The following CACNA2D3 variants were observed in gnomAD, a reference collection of about 807,000 sequenced individuals.
CACNA2D3 encodes the protein voltage-dependent calcium channel subunit alpha-2/delta-3.
Under a neutral mutation model 160.6 loss-of-function variants are expected in CACNA2D3, and 60 were observed. That is an observed-to-expected ratio of 0.37 (90% CI 0.30 to 0.46). CACNA2D3 has a LOEUF of 0.46. CACNA2D3 is among the 20% of genes least tolerant of loss of function. The pLI, the probability that CACNA2D3 is intolerant of heterozygous loss-of-function variation, is 1.00. For synonymous variants in CACNA2D3, 558 were observed against 492.9 expected (o/e 1.13, Z -1.75); for missense variants, 1,205 against 1,365.0 (o/e 0.88, Z 1.85).
At chr3:54,744,188 A>G (rs1701705756) in intron 11 of CACNA2D3, among the ~76,000 whole-genome samples, 1 of 152,150 alleles carries the variant, frequency 6.6e-6, no homozygotes, top group South Asian at 2.1e-4. Flanking sequence ...TCTGCACAAA[A>G]CTGTCGCAGA....
At chr3:54,218,023 G>C (rs1701494996) in intron 2 of CACNA2D3, among the ~76,000 whole-genome samples, 1 of 152,040 alleles carries the variant, frequency 6.6e-6, no homozygotes, top group Non-Finnish European at 1.5e-5. Flanking sequence ...GGGAGAGAGA[G>C]AGAGGTGTGT....
At chr3:54,585,321 A>C (rs1476413705) in intron 9 of CACNA2D3, among the ~76,000 whole-genome samples, 2 of 152,222 alleles carry the variant, frequency 1.3e-5, no homozygotes, top group African/African-American at 2.4e-5. Context: ...GACAGTAATA[A>C]ATTACATATT....
At chr3:54,257,905 G>T (rs1052609375) in intron 2 of CACNA2D3, among the ~76,000 whole-genome samples, 1 of 152,148 alleles carries the variant, frequency 6.6e-6, no homozygotes, top group Non-Finnish European at 1.5e-5. Context: ...TAGAAAATGG[G>T]GATAGTCCAA....
At chr3:54,918,263 T>C (rs2106921579) in intron 27 of CACNA2D3, 1 of 588,378 alleles carries the variant, frequency 1.7e-6, no homozygotes, top group Non-Finnish European at 2.9e-6. Flanking sequence ...ATTTTACCTA[T>C]AGTATTTTAA....
chr3:54,999,587 T>G (rs1211807613), intron 31 of CACNA2D3, among the ~76,000 whole-genome samples: 3 of 152,186 alleles, frequency 2.0e-5, no homozygotes, highest in Non-Finnish European at 4.4e-5. Context: ...TTCAAGATTG[T>G]TTTTAGGCCA....
intron 35 of CACNA2D3, among the ~76,000 whole-genome samples, chr3:55,044,721 T>C (rs1268285330): frequency 1.3e-5 from 2 of 152,230 alleles, no homozygotes; most frequent in Non-Finnish European, 2.9e-5. Context: ...GTTAGAATTT[T>C]ATCATTAAGT....
intron 4 of CACNA2D3, among the ~76,000 whole-genome samples, chr3:54,413,781 T>C (rs1699710049): frequency 6.6e-6 from 1 of 151,760 alleles, no homozygotes; most frequent in Admixed American, 6.6e-5. Flanking sequence ...GCTGAAATTC[T>C]CCATCTATAC....
At chr3:54,247,491 G>A (rs771841610) in intron 2 of CACNA2D3, among the ~76,000 whole-genome samples, 1 of 152,116 alleles carries the variant, frequency 6.6e-6, no homozygotes, top group African/African-American at 2.4e-5. Flanking sequence ...TAGAAATAAA[G>A]ATTAAACTAG....
intron 27 of CACNA2D3, among the ~76,000 whole-genome samples, chr3:54,906,517 A>G (rs78222547): frequency 0.015 from 2,243 of 152,310 alleles, 60 homozygotes; most frequent in African/African-American, 0.048. Context: ...TCCCATATAC[A>G]ATGGGAACTA....
chr3:54,988,862 C>T (rs1702677096), intron 31 of CACNA2D3, among the ~76,000 whole-genome samples: 1 of 152,240 alleles, frequency 6.6e-6, no homozygotes, highest in African/African-American at 2.4e-5. Flanking sequence ...AGCACTTCTG[C>T]AATCTCTGAC....
intron 17 of CACNA2D3, among the ~76,000 whole-genome samples, chr3:54,868,415 G>C (rs533685673): frequency 6.6e-6 from 1 of 152,240 alleles, no homozygotes; most frequent in South Asian, 2.1e-4. Context: ...GAATATGGTG[G>C]CTCATGGGCT....
rs187149197 is a variant in CACNA2D3 at position 55,059,680 on chromosome 3, G to A, written c.2988-13765G>A. Among the ~76,000 whole-genome samples the A allele has an allele frequency of 1.6e-4, 24 of 152,280 alleles. No homozygotes were observed. In the East Asian group the frequency reaches 3.1e-3, roughly 20 times the overall value. On this transcript the variant is annotated intron_variant, in intron 35 of 37. Transcript: ENST00000474759. ...CCAGCTTAGTGCCCTCTTGGTACCC[G>A]GGTTCTTGTCCAGCATCCGAGAAGA...
At chr3:54,179,516 C>T (rs565049103) in intron 2 of CACNA2D3, among the ~76,000 whole-genome samples, 3 of 152,132 alleles carry the variant, frequency 2.0e-5, no homozygotes, top group Admixed American at 6.5e-5. Context: ...GGAGGAAACG[C>T]GTAATTGGGG....
chr3:54,187,425 G>C (rs1368763910), intron 2 of CACNA2D3, among the ~76,000 whole-genome samples: 4 of 152,116 alleles, frequency 2.6e-5, no homozygotes, highest in Non-Finnish European at 5.9e-5. Flanking sequence ...TAAAATACAG[G>C]CCCTTTCTTC....
intron 13 of CACNA2D3, among the ~76,000 whole-genome samples, chr3:54,786,645 G>T (rs1270676780): frequency 1.3e-5 from 2 of 152,196 alleles, no homozygotes; most frequent in South Asian, 4.1e-4. Context: ...TATATTATTA[G>T]TCCTGATAAG....
chr3:54,350,190 T>A (rs73841993), intron 3 of CACNA2D3, among the ~76,000 whole-genome samples: 3,987 of 152,262 alleles, frequency 0.026, 170 homozygotes, highest in African/African-American at 0.091. Flanking sequence ...CTCCTCTTTT[T>A]TTTATTTATT....
At chr3:54,608,990 T>A (rs1234144378) in intron 9 of CACNA2D3, among the ~76,000 whole-genome samples, 1 of 152,164 alleles carries the variant, frequency 6.6e-6, no homozygotes, top group Non-Finnish European at 1.5e-5. Context: ...AACCTATGCC[T>A]CCTGACTGAG....
chr3:54,742,424 TAATAAATAAATA>T (rs543803190), intron 11 of CACNA2D3, among the ~76,000 whole-genome samples: 3 of 151,720 alleles, frequency 2.0e-5, no homozygotes, highest in Non-Finnish European at 4.4e-5. Context: ...TCTCAAAAAA[TAATAAATAAATA>T]AATAAATAAA....
At chr3:54,322,029 G>A (rs772200038) in intron 3 of CACNA2D3, among the ~76,000 whole-genome samples, 4 of 151,802 alleles carry the variant, frequency 2.6e-5, no homozygotes, top group Non-Finnish European at 5.9e-5. Context: ...GAGGAGAAAA[G>A]GACATAAATA....
Sources: gnomAD v4.1 joint callset for allele counts (sites outside exome capture counted in the v4.1 genomes callset) on GRCh38, gnomAD v4.1.1 for gene constraint, MANE v1.5 for transcripts, NCBI Gene and HGNC (gene_info 2026-07-23, HGNC 2026-07-21) for gene names.